SRPK2: variants seen among roughly 807,000 people sequenced by gnomAD.
The protein encoded by SRPK2 is SFRS protein kinase 2.
A neutral mutation model predicts 90.8 loss-of-function variants in SRPK2; 21 were observed. That is an observed-to-expected ratio of 0.23 (90% CI 0.16 to 0.33). SRPK2 has a LOEUF of 0.33. Ranked by LOEUF, SRPK2 falls within the 10% of genes least tolerant of loss-of-function variation. SRPK2 has a pLI of 1.00. For missense variants in SRPK2, 620 were observed against 869.0 expected, an observed-to-expected ratio of 0.71 and a Z score of 3.60; for synonymous variants, 288 against 311.1, an observed-to-expected ratio of 0.93 and a Z score of 0.78.
chr7:105,368,998 C>T (rs1241181783), intron 2 of SRPK2, among the ~76,000 whole-genome samples: 1 of 151,706 alleles, frequency 6.6e-6, no homozygotes, highest in Non-Finnish European at 1.5e-5. Context: ...TCAAAGCTGC[C>T]TTGGGGAGCA....
At chr7:105,241,319 T>C (rs1222726311) in intron 2 of SRPK2, among the ~76,000 whole-genome samples, 1 of 152,208 alleles carries the variant, frequency 6.6e-6, no homozygotes, top group Non-Finnish European at 1.5e-5. Context: ...GTATGCATTA[T>C]AGAGAAACTG....
intron 7 of SRPK2, among the ~76,000 whole-genome samples, chr7:105,158,413 C>T (rs201857570): frequency 6.6e-6 from 1 of 152,164 alleles, no homozygotes; most frequent in Admixed American, 6.5e-5. Flanking sequence ...TGCCACCACG[C>T]CTGGCTAATT....
At chr7:105,177,500 T>C (rs1792128511) in intron 3 of SRPK2, among the ~76,000 whole-genome samples, 1 of 152,174 alleles carries the variant, frequency 6.6e-6, no homozygotes, top group Non-Finnish European at 1.5e-5. Context: ...TAAATGTCAT[T>C]TAAAAACCAA....
chr7:105,191,880 A>C (rs1215074640), intron 3 of SRPK2, among the ~76,000 whole-genome samples: 1 of 150,856 alleles, frequency 6.6e-6, no homozygotes, highest in Non-Finnish European at 1.5e-5. Flanking sequence ...AAACAAAAAA[A>C]ACTTTTTTTT....
chr7:105,212,483 C>T (rs967842753), intron 2 of SRPK2, among the ~76,000 whole-genome samples: 12 of 152,122 alleles, frequency 7.9e-5, no homozygotes, highest in African/African-American at 2.9e-4. Context: ...CAGGGAACCA[C>T]ATCATCAAAA....
chr7:105,134,755 A>G (rs1003437981), intron 11 of SRPK2, among the ~76,000 whole-genome samples: 31 of 152,178 alleles, frequency 2.0e-4, no homozygotes, highest in Non-Finnish European at 2.9e-5. Context: ...ACAGCTCCCT[A>G]GGGGGGCTCC....
intron 3 of SRPK2, among the ~76,000 whole-genome samples, chr7:105,194,702 T>C (rs867239760): frequency 1.8e-4 from 28 of 152,212 alleles, no homozygotes; most frequent in African/African-American, 6.0e-4. Flanking sequence ...TCTGAATTTA[T>C]ACAAAATGCA....
intron 2 of SRPK2, among the ~76,000 whole-genome samples, chr7:105,278,703 G>T (rs1806852453): frequency 6.9e-6 from 1 of 145,210 alleles, no homozygotes; most frequent in African/African-American, 2.6e-5. Context: ...AGAAAAAGAA[G>T]AAAGGAAAGA....
At chr7:105,132,718 A>G in intron 13 of SRPK2, 73 bp downstream of exon 13, 1 of 1,244,732 alleles carries the variant, frequency 8.0e-7, no homozygotes, top group Non-Finnish European at 1.1e-6. Context: ...TGCCTCAGAG[A>G]GACTCAGCCC....
intron 2 of SRPK2, among the ~76,000 whole-genome samples, chr7:105,233,488 T>G (rs1420361034): frequency 6.6e-6 from 1 of 152,142 alleles, no homozygotes; most frequent in Non-Finnish European, 1.5e-5. Context: ...TATGAGAGAA[T>G]TAGAGATCAG....
chr7:105,143,355 C>T lies in SRPK2; in HGVS notation c.814-25G>A, dbSNP rs756990128. The T allele has an allele frequency of 4.4e-6, 7 of 1,595,952 alleles. No individual in the cohort carries two copies. In the African/African-American group the frequency reaches 8.2e-5, roughly 19 times the overall value. On this transcript the variant is annotated intron_variant, in intron 9 of 15. Transcript: ENST00000393651. ...TCTATGTTAAGGAAAGACCACAGGT[C>T]AGTATTCTTCTTTTTAAAGCACCAC...
At chr7:105,194,346 T>G (rs1314815075) in intron 3 of SRPK2, among the ~76,000 whole-genome samples, 2 of 152,088 alleles carry the variant, frequency 1.3e-5, no homozygotes, top group African/African-American at 4.8e-5. Context: ...TTCAACCTCA[T>G]GCATAAAAGA....
intron 2 of SRPK2, among the ~76,000 whole-genome samples, chr7:105,383,261 G>A (rs972587285): frequency 2.7e-5 from 4 of 150,478 alleles, no homozygotes; most frequent in African/African-American, 4.9e-5. Context: ...TAGTAGAGAC[G>A]GGGTTTCACC....
chr7:105,332,702 T>A lies in SRPK2; in HGVS notation c.71+55946A>T, dbSNP rs1287181007. ...ACAGCTTGAACCTGGGAGGTGGAGG[T>A]TGCAGTGAGCACATATCATGCCACC... On this transcript the variant is annotated intron_variant, in intron 2 of 15. Transcript: ENST00000393651. The A allele has an allele frequency of 3.3e-5, 5 of 151,284 alleles. No homozygotes were observed. The East Asian group carries it at 7.8e-4, about 23-fold the overall frequency. The allele number at this position is 151,284 out of a possible 1,614,324, so 9.4% of individuals were successfully genotyped here. A position where few individuals can be genotyped will look rare whatever the true frequency, so the allele number is the denominator to read the frequency against.
chr7:105,238,440 G>A (rs77831521), intron 2 of SRPK2, among the ~76,000 whole-genome samples: 41 of 152,300 alleles, frequency 2.7e-4, no homozygotes, highest in African/African-American at 9.6e-4. Flanking sequence ...ATGCCCACTG[G>A]TGGTGACTCT....
intron 2 of SRPK2, among the ~76,000 whole-genome samples, chr7:105,311,144 T>C (rs986212430): frequency 6.6e-6 from 1 of 152,158 alleles, no homozygotes; most frequent in African/African-American, 2.4e-5. Context: ...GCACATCATA[T>C]ATCTGATAAG....
intron 2 of SRPK2, among the ~76,000 whole-genome samples, chr7:105,271,480 G>A (rs1391547892): frequency 6.6e-6 from 1 of 152,148 alleles, no homozygotes; most frequent in Non-Finnish European, 1.5e-5. Context: ...TGTATCCTTT[G>A]AGGCCCACAT....
chr7:105,372,361 G>C (rs772339081), intron 2 of SRPK2, among the ~76,000 whole-genome samples: 1 of 152,078 alleles, frequency 6.6e-6, no homozygotes, highest in African/African-American at 2.4e-5. Flanking sequence ...ATCATAAGTA[G>C]ACATTTGACT....
intron 2 of SRPK2, among the ~76,000 whole-genome samples, chr7:105,293,206 G>C (rs1222898141): frequency 6.6e-6 from 1 of 151,916 alleles, no homozygotes; most frequent in Non-Finnish European, 1.5e-5. Flanking sequence ...GCTGAGGCAA[G>C]ATAACTGCTT....
Sources: gnomAD v4.1 joint callset for allele counts (sites outside exome capture counted in the v4.1 genomes callset) on GRCh38, gnomAD v4.1.1 for gene constraint, MANE v1.5 for transcripts, NCBI Gene and HGNC (gene_info 2026-07-23, HGNC 2026-07-21) for gene names.